ABLIM3: variants seen among roughly 807,000 people sequenced by gnomAD.
ABLIM3 encodes actin-binding LIM protein 3.
ABLIM3 carries 61 observed loss-of-function variants against 109.5 expected under a neutral mutation model. The ratio of observed to expected loss-of-function variants is 0.56; its 90% CI spans 0.45 to 0.69. The LOEUF is 0.69. Ranked by LOEUF, ABLIM3 falls within the 30% of genes least tolerant of loss-of-function variation. ABLIM3 has a pLI of 0.00. For synonymous variants in ABLIM3, 300 were observed against 324.8 expected (o/e 0.92, Z 0.82); for missense variants, 796 against 889.5 (o/e 0.89, Z 1.34).
intron 2 of ABLIM3, among the ~76,000 whole-genome samples, chr5:149,154,684 G>T (rs746775317): frequency 1.3e-5 from 2 of 152,194 alleles, no homozygotes; most frequent in African/African-American, 4.8e-5. Context: ...ACCATAGTCA[G>T]TGATTATTTT....
rs1241058574 is a variant in ABLIM3 at position 149,225,976 on chromosome 5, GTGTGTGTATATATATATATATATA to G, written c.758-4671_758-4648del. Among the ~76,000 whole-genome samples the G allele has an allele frequency of 5.0e-3, 191 of 38,528 alleles. 2 individuals are homozygous for G. The East Asian group carries it at 0.066, about 13-fold the overall frequency. The allele number at this position is 38,528 out of a possible 152,430, so 25.3% of individuals were successfully genotyped here. On this transcript the variant is annotated intron_variant, in intron 8 of 23. Transcript: ENST00000309868. ...ATATAATATGTGTGTGTGTGTGTGT[GTGTGTGTATATATATATATATATA>G]TATATATATATATATATATATATAT...
At chr5:149,195,631 A>G (rs1162956718) in intron 3 of ABLIM3, among the ~76,000 whole-genome samples, 1 of 152,172 alleles carries the variant, frequency 6.6e-6, no homozygotes, top group Non-Finnish European at 1.5e-5. Context: ...GAGAAAAAAA[A>G]AAGGGAAAAA....
chr5:149,229,092 G>A (rs951898020), intron 8 of ABLIM3, among the ~76,000 whole-genome samples: 7 of 152,054 alleles, frequency 4.6e-5, no homozygotes, highest in Non-Finnish European at 1.0e-4. Context: ...AACAATTCCT[G>A]ATAGATTCGG....
At chr5:149,244,562 G>A (rs1753167441) in intron 15 of ABLIM3, 1 of 359,936 alleles carries the variant, frequency 2.8e-6, no homozygotes, top group African/African-American at 2.0e-5. Context: ...AGGTCATTCT[G>A]GAACAGACCT....
Position 149,250,390 on chromosome 5 carries a change from G to C in ABLIM3, c.1730-57G>C, listed in dbSNP as rs1753803501. Reference sequence around the variant, plus strand: ...GGCCATTGGTAGCCAGATGACCTCAGGGAGAGGGACTCATGGCTTGGGACT... The same window carrying C: ...GGCCATTGGTAGCCAGATGACCTCACGGAGAGGGACTCATGGCTTGGGACT... On this transcript the variant is annotated intron_variant, in intron 19 of 23. Coordinates refer to ENST00000309868, the MANE Select transcript of ABLIM3 (RefSeq NM_014945.5). The C allele has an allele frequency of 7.0e-6, 11 of 1,578,754 alleles. No homozygotes were observed. In the South Asian group the frequency reaches 1.1e-4, roughly 16 times the overall value.
intron 5 of ABLIM3, among the ~76,000 whole-genome samples, chr5:149,203,767 T>C (rs66529532): frequency 0.39 from 60,014 of 152,028 alleles, 12,168 homozygotes; most frequent in East Asian, 0.52. Flanking sequence ...ACCAACAATA[T>C]CAGCATCACC....
At chr5:149,144,873 T>C (rs1226269740) in intron 2 of ABLIM3, among the ~76,000 whole-genome samples, 6 of 152,194 alleles carry the variant, frequency 3.9e-5, no homozygotes, top group Admixed American at 1.3e-4. Context: ...CACATGGGGA[T>C]TGGTAAAACT....
At chr5:149,229,249 T>C (rs1229263212) in intron 8 of ABLIM3, among the ~76,000 whole-genome samples, 3 of 152,178 alleles carry the variant, frequency 2.0e-5, no homozygotes, top group African/African-American at 4.8e-5. Flanking sequence ...TGAGAACCAT[T>C]GCATTTTACT....
chr5:149,147,281 T>A (rs1753022825), intron 2 of ABLIM3, among the ~76,000 whole-genome samples: 1 of 152,220 alleles, frequency 6.6e-6, no homozygotes, highest in African/African-American at 2.4e-5. Context: ...TGAAGGGGTG[T>A]TGGATTTTAG....
intron 13 of ABLIM3, chr5:149,240,377 T>G: frequency 2.1e-6 from 1 of 467,244 alleles, no homozygotes; most frequent in Non-Finnish European, 3.9e-6. Flanking sequence ...TCAAGGATGG[T>G]TGGGGAGATA....
intron 18 of ABLIM3, among the ~76,000 whole-genome samples, chr5:149,248,606 G>A (rs1753621144): frequency 6.6e-6 from 1 of 151,000 alleles, no homozygotes; most frequent in African/African-American, 2.4e-5. Context: ...CAGGAGAATG[G>A]CGTGAGGCAG....
intron 8 of ABLIM3, among the ~76,000 whole-genome samples, chr5:149,224,844 C>A (rs567553610): frequency 7.2e-5 from 11 of 152,250 alleles, no homozygotes; most frequent in Non-Finnish European, 1.2e-4. Flanking sequence ...AATAGGGAAA[C>A]CAAGGCACAG....
At chr5:149,203,731 C>T (rs1163570582) in intron 5 of ABLIM3, among the ~76,000 whole-genome samples, 2 of 152,132 alleles carry the variant, frequency 1.3e-5, no homozygotes, top group African/African-American at 4.8e-5. Context: ...ATCACTGTCA[C>T]CATCATCACC....
At chr5:149,220,424 C>T (rs1760526154) in intron 8 of ABLIM3, 1 of 152,142 alleles carries the variant, frequency 6.6e-6, no homozygotes, top group Non-Finnish European at 1.5e-5. Context: ...TTAATTATCC[C>T]CATCCCTCTC....
intron 8 of ABLIM3, among the ~76,000 whole-genome samples, 170 bp from the exon 9 acceptor site, chr5:149,230,479 G>A (rs551114017): frequency 4.6e-5 from 7 of 152,212 alleles, no homozygotes; most frequent in Non-Finnish European, 7.4e-5. Context: ...GGATGTGAGC[G>A]GTCGCATAGG....
At chr5:149,179,735 T>C (rs1315137618) in intron 2 of ABLIM3, among the ~76,000 whole-genome samples, 1 of 152,160 alleles carries the variant, frequency 6.6e-6, no homozygotes, top group African/African-American at 2.4e-5. Context: ...ACTGTCATTA[T>C]GGTAGCCACT....
Position 149,237,607 on chromosome 5 carries a change from T to C in ABLIM3, c.1044+4T>C. Reference sequence around the variant, plus strand: ...GGAGAGATGTGGCTATGGAGAGGTATCGCATCTTGCCCTTCTCTCTGGGGC... The same window carrying C: ...GGAGAGATGTGGCTATGGAGAGGTACCGCATCTTGCCCTTCTCTCTGGGGC... On this transcript the variant is annotated splice_donor_region_variant and intron_variant, in intron 11 of 23. Coordinates refer to ENST00000309868, the MANE Select transcript of ABLIM3 (RefSeq NM_014945.5). The C allele has an allele frequency of 6.2e-7, 1 of 1,614,048 alleles. No individual in the cohort carries two copies. The highest frequency in any genetic ancestry group is 8.5e-7 in the Non-Finnish European group (1 of 1,180,014).
chr5:149,147,815 G>C (rs1306268443), intron 2 of ABLIM3, among the ~76,000 whole-genome samples: 1 of 152,168 alleles, frequency 6.6e-6, no homozygotes, highest in Non-Finnish European at 1.5e-5. Context: ...AAATGAAAAT[G>C]ATGAGGCATA....
intron 3 of ABLIM3, among the ~76,000 whole-genome samples, chr5:149,193,724 A>T (rs1241348974): frequency 6.6e-6 from 1 of 152,232 alleles, no homozygotes; most frequent in Non-Finnish European, 1.5e-5. Context: ...AAACCTATTA[A>T]GACCATGTGA....
Sources: allele counts gnomAD v4.1 joint callset (sites outside exome capture counted in the v4.1 genomes callset), GRCh38; gene constraint gnomAD v4.1.1; transcripts MANE v1.5; gene names NCBI Gene and HGNC (gene_info 2026-07-23, HGNC 2026-07-21).